TPCN1: variants seen among roughly 807,000 people sequenced by gnomAD.
TPCN1 encodes two pore segment channel 1.
A neutral mutation model predicts 108.8 loss-of-function variants in TPCN1; 52 were observed. The observed-to-expected ratio is 0.48, with a 90% CI of 0.38 to 0.60. The LOEUF (loss-of-function observed/expected upper bound fraction) is 0.60. Ranked by LOEUF, TPCN1 falls within the 20% of genes least tolerant of loss-of-function variation. The pLI, the probability that TPCN1 is intolerant of heterozygous loss-of-function variation, is 0.00. For synonymous variants in TPCN1, 446 were observed against 433.7 expected, an observed-to-expected ratio of 1.03 and a Z score of -0.35; for missense variants, 806 against 1,072.8, an observed-to-expected ratio of 0.75 and a Z score of 3.47.
chr12:113,288,958 T>A lies in TPCN1; in HGVS notation c.1796+111T>A. ...TGGGGTCCTCGGGGATGTTCCTGTC[T>A]AAGCAACCACCTTGCTTTGCTTTCA... On this transcript the variant is annotated intron_variant, in intron 21 of 27. Coordinates refer to ENST00000335509, the MANE Select transcript of TPCN1 (RefSeq NM_017901.6). This position sits in a 1 kb window ranked among gnomAD's most constrained non-coding sequence, Gnocchi z 4.8. The A allele has an allele frequency of 1.9e-6, 2 of 1,058,878 alleles. No homozygotes were observed. The highest frequency in any genetic ancestry group is 2.9e-6 in the Non-Finnish European group (2 of 694,508). 65.6% of individuals were successfully genotyped at this position (1,058,878 alleles called of 1,614,324 possible).
chr12:113,292,550 C>G (rs2059766), intron 25 of TPCN1: 2,348 of 202,336 alleles, frequency 0.012, 45 homozygotes, highest in African/African-American at 0.051. Context: ...GAGCCATGAT[C>G]ACACCACTGC....
At chr12:113,282,617 A>G (rs1440927077) in intron 15 of TPCN1, among the ~76,000 whole-genome samples, 1 of 150,674 alleles carries the variant, frequency 6.6e-6, no homozygotes, top group Non-Finnish European at 1.5e-5. Flanking sequence ...TTAACTGGGT[A>G]TGGTGGCTCA....
At position 113,268,402 on chromosome 12, in the gene TPCN1, A is replaced by G. The variant is rs1054520926; in HGVS notation, c.529-340A>G. 6.6e-6 allele frequency among the ~76,000 whole-genome samples: 1 copy of G among 152,222 alleles called. No individual in the cohort carries two copies. Among genetic ancestry groups the G allele is most frequent in the African/African-American group, 2.4e-5 (1 of 41,444 alleles). ...GCGCTACTCTAGGAGAATATAGCCA[A>G]GTAAGCAGAGCTGAAGAGGAGCTGC... On this transcript the variant is annotated intron_variant, in intron 5 of 27. Transcript: ENST00000335509. The surrounding 1 kb of genome is among the most constrained non-coding windows in gnomAD (Gnocchi z 7.3).
chr12:113,241,789 T>TGTGTGC (rs1954140524), intron 2 of TPCN1, among the ~76,000 whole-genome samples: 1 of 151,338 alleles, frequency 6.6e-6, no homozygotes, highest in African/African-American at 2.4e-5. Flanking sequence ...TGTGTGTGTG[T>TGTGTGC]GTGTGCGTGT....
chr12:113,292,799 A>T, intron 25 of TPCN1, 135 bp from the exon 26 acceptor site: 1 of 992,014 alleles, frequency 1.0e-6, no homozygotes, highest in Non-Finnish European at 1.5e-6. Flanking sequence ...CGAGGAGAGC[A>T]GGACACCAAT....
chr12:113,242,314 C>A (rs930671804), intron 2 of TPCN1, among the ~76,000 whole-genome samples: 1 of 152,194 alleles, frequency 6.6e-6, no homozygotes, highest in Non-Finnish European at 1.5e-5. Context: ...CACCATTAGT[C>A]CCCAGTGGCT....
Position 113,221,477 on chromosome 12 carries a change from T to C in TPCN1, c.-275T>C. The C allele has an allele frequency of 3.2e-6, 1 of 315,536 alleles. No individual in the cohort carries two copies. Among genetic ancestry groups the C allele is most frequent in the Non-Finnish European group, 6.5e-6 (1 of 154,364 alleles). 19.5% of individuals were successfully genotyped at this position (315,536 alleles called of 1,614,324 possible). A position where few individuals can be genotyped will look rare whatever the true frequency, so the allele number is the denominator to read the frequency against. On this transcript the variant is annotated 5_prime_UTR_variant, in exon 1 of 28. Coordinates refer to ENST00000335509, the MANE Select transcript of TPCN1 (RefSeq NM_017901.6). ...CGGTGGATAGGAGAGCTGGCGCAGC[T>C]GCCCTGGTGGCAGTGGCTGAAGTGG...
intron 2 of TPCN1, chr12:113,249,759 T>C (rs1954557912): frequency 6.6e-6 from 1 of 152,352 alleles, no homozygotes; most frequent in African/African-American, 2.4e-5. Context: ...GGTTCCTGGA[T>C]GGTTCTCATC....
chr12:113,251,494 A>G (rs953485404), intron 2 of TPCN1, among the ~76,000 whole-genome samples: 2 of 152,240 alleles, frequency 1.3e-5, no homozygotes, highest in Admixed American at 1.3e-4. Context: ...ACCATTGGCA[A>G]CACTGCTACG....
At chr12:113,247,108 CCAGTGGGCACGA>C (rs1954425365) in intron 2 of TPCN1, among the ~76,000 whole-genome samples, 3 of 152,166 alleles carry the variant, frequency 2.0e-5, no homozygotes, top group Admixed American at 1.3e-4. Context: ...TGGAGTGAAC[CCAGTGGGCACGA>C]TGGGCTTCAG....
At position 113,269,150 on chromosome 12, in the gene TPCN1, C is replaced by T. The variant is rs1955396269; in HGVS notation, c.659+278C>T. On this transcript the variant is annotated intron_variant, in intron 6 of 27. Coordinates refer to ENST00000335509, the MANE Select transcript of TPCN1 (RefSeq NM_017901.6). This position sits in a 1 kb window ranked among gnomAD's most constrained non-coding sequence, Gnocchi z 5.0. The stretch of plus-strand genomic sequence containing the variant: ...CCTCGCTCTAGGCATGTTATCTACC[C>T]AAATGCAGGCAGCTCAGCAGCGTCC... Among the ~76,000 whole-genome samples the T allele has an allele frequency of 6.6e-6, 1 of 152,204 alleles. No individual in the cohort carries two copies. Among genetic ancestry groups the T allele is most frequent in the Non-Finnish European group, 1.5e-5 (1 of 68,024 alleles).
At position 113,268,674 on chromosome 12, in the gene TPCN1, C is replaced by T. The variant is rs976153480; in HGVS notation, c.529-68C>T. ...AGTGGGCACTGCCTCTCCAGCCCCC[C>T]GTTCCAGGTATGCAGGATGACGGCT... On this transcript the variant is annotated intron_variant, in intron 5 of 27. Transcript: ENST00000335509. This position sits in a 1 kb window ranked among gnomAD's most constrained non-coding sequence, Gnocchi z 7.3. 15 of 1,588,602 alleles carry T rather than the reference C, an allele frequency of 9.4e-6. No individual in the cohort carries two copies. The highest frequency in any genetic ancestry group is 5.4e-5 in the African/African-American group (4 of 74,546).
chr12:113,278,876 C>T, intron 14 of TPCN1, 41 bp downstream of exon 14: 1 of 1,584,204 alleles, frequency 6.3e-7, no homozygotes, highest in Non-Finnish European at 8.7e-7. Flanking sequence ...CAGCTGGGGG[C>T]CGATGGAGGT....
chr12:113,251,162 A>ATGG (rs1257384098), intron 2 of TPCN1, among the ~76,000 whole-genome samples: 1 of 152,000 alleles, frequency 6.6e-6, no homozygotes, highest in Non-Finnish European at 1.5e-5. Flanking sequence ...TTAGCTGGGC[A>ATGG]TGGTGGCACA....
chr12:113,278,882 G>C, intron 14 of TPCN1, 47 bp downstream of exon 14: 1 of 1,551,252 alleles, frequency 6.4e-7, no homozygotes. Flanking sequence ...GGGGCCGATG[G>C]AGGTTTTCAG....
chr12:113,285,433 T>C (rs914443274), intron 17 of TPCN1, among the ~76,000 whole-genome samples: 1 of 152,302 alleles, frequency 6.6e-6, no homozygotes, highest in Admixed American at 6.5e-5. Flanking sequence ...TGCAGTGGCG[T>C]GATCATAGCT....
chr12:113,288,684 C>T lies in TPCN1; in HGVS notation c.1707-74C>T, dbSNP rs940360838. Reference sequence around the variant, plus strand: ...GGCCCTGCAGTCAGCCCCACGGGTCCGAGGAGGCCGGGGCTGCAGAGGAGC... The same window carrying T: ...GGCCCTGCAGTCAGCCCCACGGGTCTGAGGAGGCCGGGGCTGCAGAGGAGC... On this transcript the variant is annotated intron_variant, in intron 20 of 27. Coordinates refer to ENST00000335509, the MANE Select transcript of TPCN1 (RefSeq NM_017901.6). This position sits in a 1 kb window ranked among gnomAD's most constrained non-coding sequence, Gnocchi z 4.8. 30 of 1,589,382 alleles carry T rather than the reference C, an allele frequency of 1.9e-5. No individual in the cohort carries two copies. Among genetic ancestry groups the T allele is most frequent in the East Asian group, 1.3e-4 (6 of 44,682 alleles).
chr12:113,270,420 G>A (rs1251804818), intron 7 of TPCN1, among the ~76,000 whole-genome samples: 4 of 152,048 alleles, frequency 2.6e-5, no homozygotes, highest in Admixed American at 6.5e-5. Flanking sequence ...CCTTCTGGCT[G>A]TGTCCTCACG....
At chr12:113,222,305 C>T (rs1953270386) in intron 1 of TPCN1, among the ~76,000 whole-genome samples, 2 of 152,192 alleles carry the variant, frequency 1.3e-5, no homozygotes, top group East Asian at 3.9e-4. Flanking sequence ...TGGGTTGAAA[C>T]TTATAAAAGG....
Sources: allele counts gnomAD v4.1 joint callset (sites outside exome capture counted in the v4.1 genomes callset), GRCh38; gene constraint gnomAD v4.1.1; non-coding constraint Gnocchi (gnomAD v3.1); transcripts MANE v1.5; gene names NCBI Gene and HGNC (gene_info 2026-07-23, HGNC 2026-07-21).